The following GNB5 variants were observed in gnomAD, a reference collection of about 807,000 sequenced individuals.
GNB5 encodes the protein guanine nucleotide-binding protein subunit beta-5.
In GNB5, 37 loss-of-function variants were observed where a neutral mutation model predicts 55.3. The ratio of observed to expected loss-of-function variants is 0.67; its 90% CI spans 0.51 to 0.88. GNB5 has a LOEUF of 0.88. GNB5 is among the 40% of genes least tolerant of loss of function. GNB5 has a pLI of 0.00. For missense variants in GNB5, 476 were observed against 515.3 expected, an observed-to-expected ratio of 0.92 and a Z score of 0.74; for synonymous variants, 219 against 198.5, an observed-to-expected ratio of 1.10 and a Z score of -0.87.
intron 7 of GNB5, chr15:52,139,046 T>C (rs2033792000): frequency 6.6e-6 from 1 of 152,186 alleles, no homozygotes; most frequent in Non-Finnish European, 1.5e-5. Context: ...TTCTCTTTTA[T>C]CAACCTAGAT....
rs1020851189 is a variant in GNB5 at position 52,138,010 on chromosome 15, C to T, written c.628-2254G>A. ...GCATGCAATGCAACCACTGACCACA[C>T]CACACCTTCAATTTCCAGCTGCTGA... On this transcript the variant is annotated intron_variant, in intron 7 of 12. Transcript: ENST00000261837. The T allele has an allele frequency of 8.2e-6, 10 of 1,220,416 alleles. No individual in the cohort carries two copies. In the African/African-American group the frequency reaches 1.6e-4, roughly 19 times the overall value. The allele number at this position is 1,220,416 out of a possible 1,614,324, so 75.6% of individuals were successfully genotyped here.
intron 8 of GNB5, among the ~76,000 whole-genome samples, chr15:52,134,438 G>A (rs1235927115): frequency 7.0e-6 from 1 of 143,372 alleles, no homozygotes; most frequent in Non-Finnish European, 1.5e-5. Flanking sequence ...TACTGAAAAT[G>A]TGGGCAAAGA....
At chr15:52,159,667 A>C (rs1168296425) in intron 3 of GNB5, among the ~76,000 whole-genome samples, 1 of 152,160 alleles carries the variant, frequency 6.6e-6, no homozygotes, top group African/African-American at 2.4e-5. Flanking sequence ...AATCTCTACT[A>C]TGTGCCAAGA....
chr15:52,144,789 C>T (rs2033934479), intron 6 of GNB5, among the ~76,000 whole-genome samples: 1 of 152,096 alleles, frequency 6.6e-6, no homozygotes, highest in South Asian at 2.1e-4. Flanking sequence ...ACCTAAGGCT[C>T]AGAGGAGCTT....
chr15:52,140,636 C>T (rs2033830905), intron 7 of GNB5, among the ~76,000 whole-genome samples: 1 of 152,228 alleles, frequency 6.6e-6, no homozygotes, highest in African/African-American at 2.4e-5. Context: ...GCTTTCACCA[C>T]TTGCTAAAGA....
At chr15:52,161,452 C>G (rs994905945) in intron 3 of GNB5, among the ~76,000 whole-genome samples, 3 of 152,236 alleles carry the variant, frequency 2.0e-5, no homozygotes, top group Admixed American at 2.0e-4. Flanking sequence ...CACGCGCTAC[C>G]ACGCCCGGCT....
At chr15:52,137,897 G>A (rs1037193117) in intron 7 of GNB5, 5 of 1,286,794 alleles carry the variant, frequency 3.9e-6, no homozygotes, top group Non-Finnish European at 5.1e-6. Flanking sequence ...AGTGGCTCTT[G>A]CAGCATAAGT....
intron 3 of GNB5, among the ~76,000 whole-genome samples, chr15:52,163,101 C>A (rs772038718): frequency 6.6e-6 from 1 of 152,098 alleles, no homozygotes; most frequent in African/African-American, 2.4e-5. Flanking sequence ...CCCCGACCAC[C>A]GGCCAAGGGA....
In GNB5 at chr15:52,121,841, C is replaced by G. The variant is rs2033278029; in HGVS notation, c.*916G>C. Reference sequence around the variant, plus strand: ...ACTCCTGACCTCGTGATCCGCCCGCCTCGGCCTCCCAAAGTGCTGGGATTA... The same window carrying G: ...ACTCCTGACCTCGTGATCCGCCCGCGTCGGCCTCCCAAAGTGCTGGGATTA... On this transcript the variant is annotated 3_prime_UTR_variant, in exon 13 of 13. Transcript: ENST00000261837. 6.6e-6 allele frequency: 1 copy of G among 152,164 alleles called. No homozygotes were observed. The highest frequency in any genetic ancestry group is 2.1e-4 in the South Asian group (1 of 4,832). 9.4% of individuals were successfully genotyped at this position (152,164 alleles called of 1,614,324 possible).
intron 7 of GNB5, chr15:52,137,133 A>T: frequency 1.4e-6 from 1 of 691,296 alleles, no homozygotes. Context: ...CTCCATTTTC[A>T]GAACCTACTA....
At position 52,164,205 on chromosome 15, in the gene GNB5, G is replaced by A. The variant is rs561652771; in HGVS notation, c.239-10129C>T. ...CGCCTGTAATCCCAGCTACTCGGGGGGCTGAGGCAGGAGAATCGCTTGAAC... is the reference window on the plus strand; with the variant it reads ...CGCCTGTAATCCCAGCTACTCGGGGAGCTGAGGCAGGAGAATCGCTTGAAC... On this transcript the variant is annotated intron_variant, in intron 3 of 12. Coordinates refer to ENST00000261837, the MANE Select transcript of GNB5 (RefSeq NM_016194.4). Among the ~76,000 whole-genome samples the A allele has an allele frequency of 1.8e-3, 281 of 151,912 alleles. 1 individual carries two copies. Among genetic ancestry groups the A allele is most frequent in the African/African-American group, 6.5e-3 (269 of 41,386 alleles).
chr15:52,173,420 G>A (rs753397773), intron 3 of GNB5, among the ~76,000 whole-genome samples: 3 of 152,212 alleles, frequency 2.0e-5, no homozygotes, highest in Non-Finnish European at 2.9e-5. Context: ...TGAGGAGGTG[G>A]AATATGAACC....
Position 52,124,471 on chromosome 15 carries a change from A to T in GNB5, c.1176+2T>A. On this transcript the variant is annotated splice_donor_variant, in intron 12 of 12. Coordinates refer to ENST00000261837, the MANE Select transcript of GNB5 (RefSeq NM_016194.4). LOFTEE classifies it high-confidence loss of function. ...AGGAAAACAGAAAACCATCCCTCTT[A>T]CTCTGAGGGTATGATCCCATGATCC... is the stretch of plus-strand genomic sequence containing the variant. 1 of 1,611,116 alleles carries T rather than the reference A, an allele frequency of 6.2e-7. No homozygotes were observed. Among genetic ancestry groups the T allele is most frequent in the Non-Finnish European group, 8.5e-7 (1 of 1,177,852 alleles).
intron 3 of GNB5, among the ~76,000 whole-genome samples, chr15:52,165,098 T>C (rs1396559370): frequency 6.6e-6 from 1 of 151,890 alleles, no homozygotes; most frequent in African/African-American, 2.4e-5. Context: ...AGACCAAGCA[T>C]AGGAAACAAT....
At chr15:52,130,928 C>T (rs1431516359) in intron 9 of GNB5, among the ~76,000 whole-genome samples, 7 of 152,332 alleles carry the variant, frequency 4.6e-5, no homozygotes, top group African/African-American at 1.4e-4. Context: ...TGGGTTCAAG[C>T]GATTCTTGTG....
Position 52,141,265 on chromosome 15 carries a change from C to G in GNB5, c.502G>C (p.Asp168His), listed in dbSNP as rs1444599392. ...AAGGGGTACACAGAACACTTATTAT[C>G]CAAACCACTAGGATGGAAAGAAAGA... The part of the protein sequence containing the change: ...SGCAIACGGL[D>H]NKCSVYPLTF... The change falls in exon 7 of 13, where the codon GAT becomes CAT. Residue 168 changes from aspartate (D) to histidine (H), a missense_variant. Coordinates refer to ENST00000261837, the MANE Select transcript of GNB5 (RefSeq NM_016194.4). 4 of 1,613,686 alleles carry G rather than the reference C, an allele frequency of 2.5e-6. No individual in the cohort carries two copies. In the Admixed American group the frequency reaches 6.7e-5, roughly 27 times the overall value.
chr15:52,179,977 G>C, intron 2 of GNB5, 98 bp from the exon 3 acceptor site: 1 of 1,317,008 alleles, frequency 7.6e-7, no homozygotes, highest in Non-Finnish European at 9.7e-7. Flanking sequence ...CCCGAGCACC[G>C]CCCCGCGGCC....
intron 11 of GNB5, 52 bp downstream of exon 11, chr15:52,125,896 A>G: frequency 2.6e-6 from 2 of 766,504 alleles, no homozygotes; most frequent in South Asian, 2.9e-5. Context: ...CGCTAGTTTC[A>G]TTCTGGTCCT....
chr15:52,130,684 C>T (rs2033552211), intron 9 of GNB5, among the ~76,000 whole-genome samples: 1 of 152,214 alleles, frequency 6.6e-6, no homozygotes, highest in Non-Finnish European at 1.5e-5. Flanking sequence ...GTCTCCCTCA[C>T]ACAGGAGGGC....
Sources: allele counts gnomAD v4.1 joint callset (sites outside exome capture counted in the v4.1 genomes callset), GRCh38; gene constraint gnomAD v4.1.1; transcripts MANE v1.5; gene names NCBI Gene and HGNC (gene_info 2026-07-23, HGNC 2026-07-21).